Variants in STYXL2 observed in about 807,000 individuals in gnomAD.
The protein encoded by STYXL2 is serine/threonine/tyrosine-interacting-like protein 2.
A neutral mutation model predicts 52.4 loss-of-function variants in STYXL2; 44 were observed. The ratio of observed to expected loss-of-function variants is 0.84; its 90% confidence interval spans 0.66 to 1.08. The LOEUF is 1.08. Among genes scored for constraint, STYXL2 ranks in the 50% least tolerant of loss-of-function variants. The probability of loss-of-function intolerance (pLI) is 0.00; values close to 1 mark genes in which losing one functional copy is unlikely to be tolerated. For missense variants in STYXL2, 1,604 were observed against 1,471.7 expected (o/e 1.09, Z -1.47); for synonymous variants, 604 against 586.9 (o/e 1.03, Z -0.42).
At chr1:167,117,999 A>C (rs538090245) in intron 4 of STYXL2, among the ~76,000 whole-genome samples, 1 of 152,266 alleles carries the variant, frequency 6.6e-6, no homozygotes, top group African/African-American at 2.4e-5. Context: ...AGACATGTAC[A>C]GTGTGCTGCT....
intron 2 of STYXL2, among the ~76,000 whole-genome samples, chr1:167,101,529 C>T (rs1299434725): frequency 6.6e-6 from 1 of 152,152 alleles, no homozygotes; most frequent in African/African-American, 2.4e-5. Context: ...GTCTGCAGGG[C>T]ACAGTGGCTC....
chr1:167,109,538 G>T (rs914707116), intron 2 of STYXL2, among the ~76,000 whole-genome samples: 1 of 152,112 alleles, frequency 6.6e-6, no homozygotes, highest in Non-Finnish European at 1.5e-5. Flanking sequence ...TCCGAGGAGA[G>T]TCTGAGCTCA....
intron 5 of STYXL2, among the ~76,000 whole-genome samples, chr1:167,120,380 G>A (rs544597878): frequency 6.6e-6 from 1 of 152,274 alleles, no homozygotes; most frequent in African/African-American, 2.4e-5. Context: ...TTAGCCCTAG[G>A]AACTGCAGAG....
chr1:167,107,283 C>T (rs999460371), intron 2 of STYXL2, among the ~76,000 whole-genome samples: 2 of 152,192 alleles, frequency 1.3e-5, no homozygotes, highest in Non-Finnish European at 2.9e-5. Flanking sequence ...TCAATTATCA[C>T]TTCCACCATG....
intron 5 of STYXL2, among the ~76,000 whole-genome samples, chr1:167,122,162 ACT>A (rs1667870511): frequency 2.6e-5 from 4 of 151,942 alleles, no homozygotes; most frequent in South Asian, 2.1e-4. Flanking sequence ...AATAATCAAG[ACT>A]CTCTTGGTTG....
At chr1:167,116,406 T>C (rs890001576) in intron 3 of STYXL2, among the ~76,000 whole-genome samples, 2 of 152,110 alleles carry the variant, frequency 1.3e-5, no homozygotes, top group Non-Finnish European at 2.9e-5. Flanking sequence ...CACCTGTCTG[T>C]GGGCTGGGAG....
Position 167,128,384 on chromosome 1 carries a change from A to G in STYXL2, c.3253A>G (p.Lys1085Glu), listed in dbSNP as rs373932163. Residue 1085 changes from lysine to glutamate, a missense_variant, in exon 6 of 6, where the codon AAG becomes GAG. Lys to Glu is a moderately conservative substitution (Grantham distance 56). Coordinates refer to ENST00000361200, the MANE Select transcript of STYXL2 (RefSeq NM_001080426.3). ...SKSDFSEFGA[K>E]RKFTQSFMRS... ...GTCAGACTTCTCTGAATTTGGAGCC[A>G]AGAGGAAGTTCACCCAGAGCTTTAT... is the stretch of plus-strand genomic sequence containing the variant. 12 of 1,614,028 alleles carry G rather than the reference A, an allele frequency of 7.4e-6. No individual in the cohort carries two copies. Among genetic ancestry groups the G allele is most frequent in the South Asian group, 2.2e-5 (2 of 91,074 alleles).
intron 1 of STYXL2, 125 bp from the exon 2 acceptor site, chr1:167,094,709 T>C (rs1003695074): frequency 1.5e-5 from 10 of 658,906 alleles, no homozygotes; most frequent in African/African-American, 1.3e-4. Flanking sequence ...TCCTTGCTGG[T>C]CTTTTGCCCA....
intron 5 of STYXL2, among the ~76,000 whole-genome samples, chr1:167,121,460 C>T (rs762406118): frequency 6.6e-6 from 1 of 152,256 alleles, no homozygotes; most frequent in Admixed American, 6.5e-5. Flanking sequence ...GGTACGCTCG[C>T]AATAGCTCCA....
chr1:167,128,759 G>A lies in STYXL2; in HGVS notation c.*151G>A. ...ATGAGAGGTACCAAGCATAAGGGCA[G>A]CAGAGGTGGAGTAGGGAGGAGGCAA... On this transcript the variant is annotated 3_prime_UTR_variant, in exon 6 of 6. Coordinates refer to ENST00000361200, the MANE Select transcript of STYXL2 (RefSeq NM_001080426.3). 7.6e-7 allele frequency: 1 copy of A among 1,319,086 alleles called. No homozygotes were observed. Among genetic ancestry groups the A allele is most frequent in the Non-Finnish European group, 1.0e-6 (1 of 996,838 alleles). The allele number at this position is 1,319,086 out of a possible 1,614,324, so 81.7% of individuals were successfully genotyped here. A position where few individuals can be genotyped will look rare whatever the true frequency, so the allele number is the denominator to read the frequency against.
Position 167,094,936 on chromosome 1 carries a change from C to G in STYXL2, c.87C>G (p.Tyr29Ter). 1 of 1,607,334 alleles carries G rather than the reference C, an allele frequency of 6.2e-7. No individual in the cohort carries two copies. The highest frequency in any genetic ancestry group is 1.3e-5 in the African/African-American group (1 of 74,928). Residue 29 changes from tyrosine (Y) to a stop codon, truncating the protein, a stop_gained, in exon 2 of 6, where the codon TAC becomes TAG. Coordinates refer to ENST00000361200, the MANE Select transcript of STYXL2 (RefSeq NM_001080426.3). LOFTEE classifies it high-confidence loss of function. Reference sequence around the variant, plus strand: ...ACGTGAGGGCGGTGCAGGCCCACTACCTCCGAAGCCCCTCCCCTAGCCAGT... The same window carrying G: ...ACGTGAGGGCGGTGCAGGCCCACTAGCTCCGAAGCCCCTCCCCTAGCCAGT... ...EANVRAVQAH[Y>*]LRSPSPSQYS...
intron 2 of STYXL2, among the ~76,000 whole-genome samples, chr1:167,101,226 G>A (rs1667396618): frequency 6.6e-6 from 1 of 152,124 alleles, no homozygotes; most frequent in African/African-American, 2.4e-5. Context: ...ATGAAAAGAT[G>A]CTCAAAATCC....
rs1485565912 is a variant in STYXL2 at position 167,094,960 on chromosome 1, G to A, written c.110+1G>A. 1.9e-6 allele frequency: 3 copies of A among 1,597,166 alleles called. No homozygotes were observed. Among genetic ancestry groups the A allele is most frequent in the Non-Finnish European group, 8.5e-7 (1 of 1,171,374 alleles). On this transcript the variant is annotated splice_donor_variant, in intron 2 of 5. Transcript: ENST00000361200. LOFTEE classifies it high-confidence loss of function. ...ACCTCCGAAGCCCCTCCCCTAGCCA[G>A]TAAGTGACCACTTATCTCCCACCCT...
chr1:167,094,733 A>C, intron 1 of STYXL2, 101 bp from the exon 2 acceptor site: 1 of 776,226 alleles, frequency 1.3e-6, no homozygotes, highest in East Asian at 2.7e-5. Flanking sequence ...GGACCTTCCT[A>C]GTCCTAGTTC....
At chr1:167,115,321 C>G (rs932731706) in intron 3 of STYXL2, among the ~76,000 whole-genome samples, 1 of 152,168 alleles carries the variant, frequency 6.6e-6, no homozygotes, top group Non-Finnish European at 1.5e-5. Flanking sequence ...TAATGAAAGT[C>G]TGCATATGCC....
intron 4 of STYXL2, among the ~76,000 whole-genome samples, chr1:167,118,572 C>T (rs916241946): frequency 2.0e-5 from 3 of 152,186 alleles, no homozygotes; most frequent in South Asian, 4.1e-4. Flanking sequence ...ACCCAGGCAT[C>T]GCCAGGTATC....
chr1:167,110,109 C>A (rs1303857730), intron 2 of STYXL2, among the ~76,000 whole-genome samples: 1 of 152,142 alleles, frequency 6.6e-6, no homozygotes, highest in Non-Finnish European at 1.5e-5. Context: ...GGTGGCTGGA[C>A]CCAGAAGAGC....
chr1:167,122,940 A>G (rs1667889222), intron 5 of STYXL2, among the ~76,000 whole-genome samples: 1 of 152,200 alleles, frequency 6.6e-6, no homozygotes, highest in African/African-American at 2.4e-5. Flanking sequence ...TACTGAGATT[A>G]CAGGTGTGAG....
chr1:167,101,201 A>G (rs950071107), intron 2 of STYXL2, among the ~76,000 whole-genome samples: 9 of 152,248 alleles, frequency 5.9e-5, no homozygotes, highest in African/African-American at 2.2e-4. Flanking sequence ...TGATATGTGG[A>G]TGGCAAATAA....
Sources: allele counts gnomAD v4.1 joint callset (sites outside exome capture counted in the v4.1 genomes callset), GRCh38; gene constraint gnomAD v4.1.1; transcripts MANE v1.5; gene names NCBI Gene and HGNC (gene_info 2026-07-23, HGNC 2026-07-21).